Variants in SPSB3 observed in about 807,000 individuals in gnomAD.
The protein encoded by SPSB3 is splA/ryanodine receptor domain and SOCS box containing 3, also known as SPRY domain-containing SOCS box protein 3.
Under a neutral mutation model 29.5 loss-of-function variants are expected in SPSB3, and 18 were observed. The ratio of observed to expected loss-of-function variants is 0.61; its 90% CI spans 0.42 to 0.91. The LOEUF is 0.91. SPSB3 is among the 40% of genes least tolerant of loss of function. The pLI is 0.00. For synonymous variants in SPSB3, 299 were observed against 214.1 expected, an observed-to-expected ratio of 1.40 and a Z score of -3.46; for missense variants, 540 against 507.5, an observed-to-expected ratio of 1.06 and a Z score of -0.61.
At chr16:1,780,646 G>C (rs1181200326) in intron 2 of SPSB3, 1 of 160,526 alleles carries the variant, frequency 6.2e-6, no homozygotes, top group Non-Finnish European at 1.4e-5. Context: ...GTATGCGTTT[G>C]TACTGGCAGA....
At position 1,777,405 on chromosome 16, in the gene SPSB3, G is replaced by A. The variant is rs779577353; in HGVS notation, c.760C>T (p.Pro254Ser). 7.0e-6 allele frequency: 11 copies of A among 1,573,374 alleles called. No individual in the cohort carries two copies. Among genetic ancestry groups the A allele is most frequent in the Non-Finnish European group, 8.6e-6 (10 of 1,162,158 alleles). The change falls in exon 7 of 7, where the codon CCG (proline) becomes TCG (serine). Residue 254 changes from proline to serine, a missense_variant. Physicochemically the swap from Pro to Ser is moderately conservative, Grantham distance 74. Coordinates refer to ENST00000566339, the MANE Select transcript of SPSB3 (RefSeq NM_080861.4). ...ATKLQNKRFY[P>S]MVCSTAARSS... is the part of the protein sequence containing the mutation. The stretch of plus-strand genomic sequence containing the variant: ...CGGGCCGCCGTGGAGCACACCATCG[G>A]GTAGAATCTCTTGTTCTGCAGCTTG...
intron 1 of SPSB3, chr16:1,781,994 C>T (rs1896736671): frequency 1.1e-5 from 2 of 182,024 alleles, no homozygotes; most frequent in African/African-American, 4.8e-5. Context: ...CCTCCGCTCG[C>T]TACCGCCAGG....
At position 1,777,179 on chromosome 16, in the gene SPSB3, G is replaced by A; in HGVS notation, c.986C>T (p.Ser329Phe). 1 of 1,610,924 alleles carries A rather than the reference G, an allele frequency of 6.2e-7. No individual in the cohort carries two copies. The highest frequency in any genetic ancestry group is 8.5e-7 in the Non-Finnish European group (1 of 1,179,870). The stretch of plus-strand genomic sequence containing the variant: ...GGCGGAGGTCGCTGCCTGGGGATCG[G>A]ACACTGGAGCCTTGCGGCGGCTGCA... ...MSCSRRKAPVSDPQAATSAHP... is the reference protein window; with the variant it reads ...MSCSRRKAPVFDPQAATSAHP... The change falls in exon 7 of 7, where the codon TCC (serine) becomes TTC (phenylalanine). Residue 329 changes from serine (S) to phenylalanine (F), a missense_variant. Ser to Phe is a radical substitution (Grantham distance 155). Coordinates refer to ENST00000566339, the MANE Select transcript of SPSB3 (RefSeq NM_080861.4).
chr16:1,781,219 C>A (rs1230453292), intron 2 of SPSB3, 139 bp downstream of exon 2: 16 of 1,577,928 alleles, frequency 1.0e-5, no homozygotes, highest in Non-Finnish European at 1.1e-5. Context: ...AGGAGACAGG[C>A]CCAGGTTTGG....
chr16:1,781,800 A>G, intron 1 of SPSB3: 3 of 408,336 alleles, frequency 7.3e-6, no homozygotes, highest in Non-Finnish European at 9.0e-6. Context: ...GCAGGCATCT[A>G]AAACCTCCAC....
Position 1,778,606 on chromosome 16 carries a change from C to T in SPSB3, c.133G>A (p.Asp45Asn), listed in dbSNP as rs746900170. 12 of 1,555,014 alleles carry T rather than the reference C, an allele frequency of 7.7e-6. No homozygotes were observed. Among genetic ancestry groups the T allele is most frequent in the Admixed American group, 1.8e-5 (1 of 55,480 alleles). The change falls in exon 3 of 7, where the codon GAC becomes AAC. Residue 45 changes from aspartate (D) to asparagine (N), a missense_variant. Asp to Asn is a conservative substitution (Grantham distance 23). Coordinates refer to ENST00000566339, the MANE Select transcript of SPSB3 (RefSeq NM_080861.4). The stretch of plus-strand genomic sequence containing the variant: ...GAGTACTCGGGGTCGGAGTCCGAGT[C>T]GCTGTGCTGGGAGAGAAGGGCCGGC... ...WGYDSDGQHS[D>N]SDSDPEYSTL...
At position 1,778,485 on chromosome 16, in the gene SPSB3, A is replaced by G. The variant is rs2042747902; in HGVS notation, c.254T>C (p.Leu85Pro). 6.2e-7 allele frequency: 1 copy of G among 1,611,818 alleles called. No homozygotes were observed. Among genetic ancestry groups the G allele is most frequent in the South Asian group, 1.1e-5 (1 of 91,046 alleles). Residue 85 changes from leucine to proline, a missense_variant, in exon 3 of 7, where the codon CTG becomes CCG. Leu to Pro is a moderately conservative substitution (Grantham distance 98). Transcript: ENST00000566339. ...GQSEASFCSS[L>P]HSAHRGRDCR... ...GTCCCTGCCCCGGTGGGCCGAGTGCAGGCTGCTACAGAAGGAGGCCTCGCT... is the reference window on the plus strand; with the variant it reads ...GTCCCTGCCCCGGTGGGCCGAGTGCGGGCTGCTACAGAAGGAGGCCTCGCT...
In SPSB3 at chr16:1,778,126, C is replaced by A. The variant is rs767832584; in HGVS notation, c.492+8G>T. The A allele has an allele frequency of 6.2e-6, 10 of 1,612,742 alleles. No homozygotes were observed. Among genetic ancestry groups the A allele is most frequent in the Middle Eastern group, 1.7e-4 (1 of 6,060 alleles). ...TCCCCAGAAGCACCCTGGGCCGAAG[C>A]AACTTACCATGTCGGTGCCGTAGAC... On this transcript the variant is annotated splice_region_variant and intron_variant, in intron 4 of 6. Transcript: ENST00000566339.
At position 1,781,456 on chromosome 16, in the gene SPSB3, C is replaced by T. The variant is rs1329475070; in HGVS notation, c.28G>A (p.Ala10Thr). The T allele has an allele frequency of 6.2e-7, 1 of 1,612,734 alleles. No individual in the cohort carries two copies. Among genetic ancestry groups the T allele is most frequent in the Non-Finnish European group, 8.5e-7 (1 of 1,179,984 alleles). Residue 10 changes from alanine (A) to threonine (T), a missense_variant, in exon 2 of 7, where the codon GCC becomes ACC. Transcript: ENST00000566339. ...GCTGCACTCAGGACGAAGTGCCAGG[C>T]CCTGCTGTTCCGGGGGCGTCTGGCC... MARRPRNSR[A>T]WHFVLSAARR...
rs775651913 is a variant in SPSB3 at position 1,778,419 on chromosome 16, TG to T, written c.304+15del. 3 of 1,606,058 alleles carry T rather than the reference TG, an allele frequency of 1.9e-6. No homozygotes were observed. The highest frequency in any genetic ancestry group is 2.6e-6 in the Non-Finnish European group (3 of 1,176,334). ...CCCGCAGTGCAGTCCCAGCAGGGGCTGGGCCCCACGCTCACACTCGTCTTCC... is the reference window on the plus strand; with the variant it reads ...CCCGCAGTGCAGTCCCAGCAGGGGCTGGCCCCACGCTCACACTCGTCTTCC... On this transcript the variant is annotated intron_variant, in intron 3 of 6. Coordinates refer to ENST00000566339, the MANE Select transcript of SPSB3 (RefSeq NM_080861.4).
chr16:1,778,513 G>A lies in SPSB3; in HGVS notation c.226C>T (p.Gln76Ter). Reference protein sequence around the residue: ...TGESFCDCAGQSEASFCSSLH... With the variant: ...TGESFCDCAG Reference sequence around the variant, plus strand: ...CTGCTACAGAAGGAGGCCTCGCTCTGCCCAGCACAGTCACAGAAGGACTCG... The same window carrying A: ...CTGCTACAGAAGGAGGCCTCGCTCTACCCAGCACAGTCACAGAAGGACTCG... Residue 76 changes from glutamine to a stop codon, truncating the protein, a stop_gained, in exon 3 of 7, where the codon CAG becomes TAG. Coordinates refer to ENST00000566339, the MANE Select transcript of SPSB3 (RefSeq NM_080861.4). LOFTEE classifies it high-confidence loss of function. The A allele has an allele frequency of 6.2e-7, 1 of 1,611,896 alleles. No homozygotes were observed. Among genetic ancestry groups the A allele is most frequent in the Non-Finnish European group, 8.5e-7 (1 of 1,179,472 alleles).
intron 2 of SPSB3, chr16:1,780,808 C>T (rs1019975127): frequency 1.4e-4 from 38 of 269,344 alleles, no homozygotes; most frequent in African/African-American, 7.4e-4. Flanking sequence ...TCACGGCTCA[C>T]TGCAGCCTTG....
intron 2 of SPSB3, chr16:1,781,132 G>A (rs1037244602): frequency 1.3e-6 from 2 of 1,492,102 alleles, no homozygotes; most frequent in Non-Finnish European, 9.0e-7. Context: ...AATGCAGTGT[G>A]TTCTGAGGTC....
At position 1,776,875 on chromosome 16, in the gene SPSB3, T is replaced by C. The variant is rs2042720970; in HGVS notation, c.*222A>G. On this transcript the variant is annotated 3_prime_UTR_variant, in exon 7 of 7. Coordinates refer to ENST00000566339, the MANE Select transcript of SPSB3 (RefSeq NM_080861.4). The stretch of plus-strand genomic sequence containing the variant: ...CGTCCTCGCAGCCTCCCACAAGACC[T>C]GGGGCTCAGGGCAGCCGCTTCCCCA... The C allele has an allele frequency of 1.7e-6, 1 of 576,822 alleles. No homozygotes were observed. The highest frequency in any genetic ancestry group is 3.0e-6 in the Non-Finnish European group (1 of 333,170). The allele number at this position is 576,822 out of a possible 1,614,324, so 35.7% of individuals were successfully genotyped here. A position where few individuals can be genotyped will look rare whatever the true frequency, so the allele number is the denominator to read the frequency against.
intron 2 of SPSB3, 53 bp from the exon 3 acceptor site, chr16:1,778,665 A>G (rs1209143341): frequency 6.7e-7 from 1 of 1,501,928 alleles, no homozygotes; most frequent in Non-Finnish European, 8.9e-7. Context: ...CTACCCTCTC[A>G]CCCTTGCCCT....
chr16:1,777,813 T>C lies in SPSB3; in HGVS notation c.655A>G (p.Ile219Val). 1 of 1,612,916 alleles carries C rather than the reference T, an allele frequency of 6.2e-7. No individual in the cohort carries two copies. The highest frequency in any genetic ancestry group is 8.5e-7 in the Non-Finnish European group (1 of 1,179,896). Residue 219 changes from isoleucine to valine, a missense_variant, in exon 6 of 7, where the codon ATC becomes GTC. By Grantham distance (29) the Ile-to-Val change is conservative (BLOSUM62 3). Transcript: ENST00000566339. ...SFSSRFGQGS[I>V]IGVHLDTWHG... is the part of the protein sequence containing the mutation. ...CAGGTGTCCAGGTGCACGCCAATGA[T>C]GGAGCCCTGGCCGAACCGCGATGAG...
In SPSB3 at chr16:1,778,299, G is replaced by C. The variant is rs1300261322; in HGVS notation, c.327C>G (p.Asp109Glu). ...GCAGGGTGGCTGATGACTTATTTAA[G>C]TCATCCCAGACCCAGTCGAAATCTG... Reference protein sequence around the residue: ...EDEYFDWVWDDLNKSSATLLS... With the variant: ...EDEYFDWVWDELNKSSATLLS... Residue 109 changes from aspartate (D) to glutamate (E), a missense_variant, in exon 4 of 7, where the codon GAC becomes GAG. Coordinates refer to ENST00000566339, the MANE Select transcript of SPSB3 (RefSeq NM_080861.4). 1 of 1,612,500 alleles carries C rather than the reference G, an allele frequency of 6.2e-7. No homozygotes were observed.
intron 1 of SPSB3, chr16:1,781,755 A>G: frequency 2.1e-6 from 1 of 486,216 alleles, no homozygotes; most frequent in Non-Finnish European, 3.7e-6. Context: ...CTCCGGTTCC[A>G]CCTCACGAAC....
chr16:1,781,754 C>T (rs1896724387), intron 1 of SPSB3: 1 of 512,018 alleles, frequency 2.0e-6, no homozygotes, highest in African/African-American at 1.9e-5. Flanking sequence ...TCTCCGGTTC[C>T]ACCTCACGAA....
Sources: allele counts gnomAD v4.1 joint callset, GRCh38; gene constraint gnomAD v4.1.1; transcripts MANE v1.5; gene names NCBI Gene and HGNC (gene_info 2026-07-23, HGNC 2026-07-21).